CYRIB: variants seen among roughly 807,000 people sequenced by gnomAD.
CYRIB encodes the protein CYFIP related Rac1 interactor B, also known as CYFIP-related Rac1 interactor B.
A neutral mutation model predicts 44.2 loss-of-function variants in CYRIB; 8 were observed. The ratio of observed to expected loss-of-function variants is 0.18; its 90% confidence interval spans 0.11 to 0.33. The LOEUF (loss-of-function observed/expected upper bound fraction) is 0.33. Ranked by LOEUF, CYRIB falls within the 10% of genes least tolerant of loss-of-function variation. CYRIB has a pLI of 1.00. For missense variants in CYRIB, 185 were observed against 382.8 expected (o/e 0.48, Z 4.31); for synonymous variants, 131 against 127.2 (o/e 1.03, Z -0.20).
chr8:129,943,592 C>CTTT (rs1172470025), upstream of CYRIB, among the ~76,000 whole-genome samples: 101 of 96,186 alleles, frequency 1.1e-3, 1 homozygote, highest in African/African-American at 2.0e-3. Flanking sequence ...GAGACTCCAT[C>CTTT]TTTTTTTTTT....
At chr8:129,870,692 G>A (rs1025126847) in intron 4 of CYRIB, among the ~76,000 whole-genome samples, 2 of 152,112 alleles carry the variant, frequency 1.3e-5, no homozygotes, top group Non-Finnish European at 2.9e-5. Flanking sequence ...ACACAGCACG[G>A]GCAATGGCTT....
At chr8:129,942,721 G>A (rs1037468445), upstream of CYRIB, among the ~76,000 whole-genome samples, 1 of 152,172 alleles carries the variant, frequency 6.6e-6, no homozygotes, top group African/African-American at 2.4e-5. Flanking sequence ...GCTGTATTTT[G>A]TGAGTCCTTA....
intron 1 of CYRIB, among the ~76,000 whole-genome samples, chr8:129,904,087 A>G (rs1205570788): frequency 6.6e-6 from 1 of 152,220 alleles, no homozygotes. Context: ...AATTTTAGGT[A>G]AAATGGAATC....
rs141609404 is a variant in CYRIB, at chr8:129,925,794, G to C, written c.-50+13814C>G. 3.0e-3 allele frequency among the ~76,000 whole-genome samples: 457 copies of C among 152,300 alleles called. 1 individual carries two copies. The highest frequency in any genetic ancestry group is 0.01 in the African/African-American group (435 of 41,540). On this transcript the variant is annotated intron_variant, in intron 1 of 11. Transcript: ENST00000519824. The stretch of plus-strand genomic sequence containing the variant: ...CCAAATTGCAGGAGTTACACATTAA[G>C]TTCCCCAAGTGGTCACTATAAAGCC...
chr8:129,937,004 G>A (rs1039232742), intron 1 of CYRIB, among the ~76,000 whole-genome samples: 2 of 152,182 alleles, frequency 1.3e-5, no homozygotes, highest in Admixed American at 6.5e-5. Context: ...ACTGCGCCCA[G>A]CCAGCAGTCT....
rs182154537 is a variant in CYRIB at position 129,846,729 on chromosome 8, C to A, written c.911+75G>T. On this transcript the variant is annotated intron_variant, in intron 11 of 11. Transcript: ENST00000519824. ...TTTTATATCCTATTCACACTTAATG[C>A]ATTTTCTTTACATAAACATCGACCA... 4.4e-4 allele frequency: 401 copies of A among 914,714 alleles called. 2 individuals are homozygous for A. In the East Asian group the frequency reaches 1.0e-2, roughly 23 times the overall value. 56.7% of individuals were successfully genotyped at this position (914,714 alleles called of 1,614,324 possible).
intron 2 of CYRIB, among the ~76,000 whole-genome samples, chr8:129,893,931 C>A (rs751905938): frequency 6.6e-6 from 1 of 151,380 alleles, no homozygotes; most frequent in Admixed American, 6.6e-5. Flanking sequence ...TATTGTTCTG[C>A]TTTTCAATTT....
At chr8:129,993,037 G>T (rs2096675591) in intron 1 of CYRIB, among the ~76,000 whole-genome samples, 1 of 152,142 alleles carries the variant, frequency 6.6e-6, no homozygotes, top group Non-Finnish European at 1.5e-5. Context: ...GCAAGGCTGG[G>T]GTCAGCAGGG....
chr8:130,000,332 A>G (rs1440640347), intron 1 of CYRIB, among the ~76,000 whole-genome samples: 1 of 152,202 alleles, frequency 6.6e-6, no homozygotes, highest in Non-Finnish European at 1.5e-5. Context: ...TTTGCATCTA[A>G]TCACAGAAAT....
intron 1 of CYRIB, among the ~76,000 whole-genome samples, chr8:129,923,635 C>A (rs2085313270): frequency 6.6e-6 from 1 of 151,988 alleles, no homozygotes; most frequent in South Asian, 2.1e-4. Flanking sequence ...AACTACTTTT[C>A]ATTCTTTCTA....
chr8:129,887,715 C>T (rs298617), intron 2 of CYRIB, among the ~76,000 whole-genome samples: 5 of 152,154 alleles, frequency 3.3e-5, no homozygotes, highest in East Asian at 3.9e-4. Flanking sequence ...ATATGAGACA[C>T]GGAGTCAAAG....
chr8:129,952,071 G>T (rs528881778), intron 2 of CYRIB, among the ~76,000 whole-genome samples: 6 of 152,292 alleles, frequency 3.9e-5, no homozygotes, highest in African/African-American at 1.4e-4. Context: ...TTGAGACAGA[G>T]CTTCGCTCTT....
rs574413927 is a variant in CYRIB at position 129,977,824 on chromosome 8, T to G, written c.-295-6829A>C. ...TGGGATTACAGGCGTGAGCCACTGCTCCCGTCCTGTCCTCACTCTTTCAAT... is the reference window on the plus strand; with the variant it reads ...TGGGATTACAGGCGTGAGCCACTGCGCCCGTCCTGTCCTCACTCTTTCAAT... On this transcript the variant is annotated intron_variant, in intron 1 of 14. Transcript: ENST00000401979. 2.2e-3 allele frequency among the ~76,000 whole-genome samples: 335 copies of G among 152,170 alleles called. 3 individuals are homozygous for G. Among genetic ancestry groups the G allele is most frequent in the African/African-American group, 6.9e-3 (288 of 41,534 alleles).
Position 129,872,760 on chromosome 8 carries a change from AG to A in CYRIB, c.74-1265del, listed in dbSNP as rs143076585. On this transcript the variant is annotated intron_variant, in intron 3 of 11. Coordinates refer to ENST00000519824, the Ensembl canonical transcript of CYRIB. ...TTAATACTATCACACTGGTCTTTTA[AG>A]TTTAAAAATATTTTAACAAACAAGA... 5.7e-3 allele frequency among the ~76,000 whole-genome samples: 867 copies of A among 152,202 alleles called. 10 individuals carry two copies. Among genetic ancestry groups the A allele is most frequent in the African/African-American group, 0.02 (832 of 41,584 alleles).
intron 1 of CYRIB, among the ~76,000 whole-genome samples, chr8:129,936,037 G>A (rs2092729413): frequency 6.6e-6 from 1 of 152,182 alleles, no homozygotes; most frequent in South Asian, 2.1e-4. Context: ...TGTCAATCCT[G>A]TATATGCTTA....
intron 8 of CYRIB, 47 bp downstream of exon 10, chr8:129,852,115 C>G: frequency 8.5e-7 from 1 of 1,180,572 alleles, no homozygotes; most frequent in Non-Finnish European, 1.2e-6. Context: ...CGTCTGCCAA[C>G]AGGGGCATAA....
chr8:130,013,373 T>C (rs928891871), intron 1 of CYRIB, among the ~76,000 whole-genome samples: 6 of 152,190 alleles, frequency 3.9e-5, no homozygotes, highest in Admixed American at 6.5e-5. Flanking sequence ...CTTACTCTCT[T>C]ACTCAGGAGC....
At chr8:129,890,988 G>A (rs927623825) in intron 2 of CYRIB, among the ~76,000 whole-genome samples, 9 of 152,110 alleles carry the variant, frequency 5.9e-5, no homozygotes, top group African/African-American at 1.7e-4. Flanking sequence ...TGAAAAGGTG[G>A]GAAGAAGAAA....
At position 129,855,607 on chromosome 8, in the gene CYRIB, C is replaced by G; in HGVS notation, c.438+4G>C. ...TAACAATCAGGGCCAATAGATAATT[C>G]TACCTTGAGTTCATCAAACCGGAGT... On this transcript the variant is annotated splice_donor_region_variant and intron_variant, in intron 6 of 11. Coordinates refer to ENST00000519824, the Ensembl canonical transcript of CYRIB. 1 of 1,613,836 alleles carries G rather than the reference C, an allele frequency of 6.2e-7. No homozygotes were observed.
Sources: gnomAD v4.1 joint callset for allele counts (sites outside exome capture counted in the v4.1 genomes callset) on GRCh38, gnomAD v4.1.1 for gene constraint, MANE v1.5 for transcripts, NCBI Gene and HGNC (gene_info 2026-07-23, HGNC 2026-07-21) for gene names.